The following SLC44A1 variants were observed in gnomAD, a reference collection of about 807,000 sequenced individuals.
SLC44A1 encodes the protein solute carrier family 44 member 1.
Under a neutral mutation model 79.3 loss-of-function variants are expected in SLC44A1, and 26 were observed. The ratio of observed to expected loss-of-function variants is 0.33; its 90% CI spans 0.24 to 0.46. The LOEUF is 0.46. Among genes scored for constraint, SLC44A1 ranks in the 20% least tolerant of loss-of-function variants. SLC44A1 has a pLI of 1.00. For missense variants in SLC44A1, 688 were observed against 798.1 expected (o/e 0.86, Z 1.66); for synonymous variants, 263 against 286.2 (o/e 0.92, Z 0.82).
At chr9:105,417,533 C>T (rs1829187268) in intron 15 of SLC44A1, among the ~76,000 whole-genome samples, 1 of 152,142 alleles carries the variant, frequency 6.6e-6, no homozygotes, top group Non-Finnish European at 1.5e-5. Flanking sequence ...TTGCCAAGTT[C>T]CTTAACTTCT....
chr9:105,289,627 A>G (rs187429867), intron 1 of SLC44A1, among the ~76,000 whole-genome samples: 3 of 152,298 alleles, frequency 2.0e-5, no homozygotes, highest in Admixed American at 6.5e-5. Context: ...AACTGAACAC[A>G]TATTTGTTTC....
At chr9:105,314,578 T>G (rs73668909) in intron 3 of SLC44A1, among the ~76,000 whole-genome samples, 1 of 152,170 alleles carries the variant, frequency 6.6e-6, no homozygotes. Flanking sequence ...CTTTTTTATC[T>G]TCTTGTCTTT....
chr9:105,390,042 A>C lies in SLC44A1; in HGVS notation c.*986A>C. On this transcript the variant is annotated 3_prime_UTR_variant, in exon 16 of 16. Coordinates refer to ENST00000374720, the MANE Select transcript of SLC44A1 (RefSeq NM_080546.5). ...CGGCCATTTTATTCAAATGCTTGCT[A>C]TACAATCTGAAAACACACTGGCAGG... 13 of 1,313,810 alleles carry C rather than the reference A, an allele frequency of 9.9e-6. No individual in the cohort carries two copies. The highest frequency in any genetic ancestry group is 1.3e-5 in the Non-Finnish European group (13 of 1,026,324). 81.4% of individuals were successfully genotyped at this position (1,313,810 alleles called of 1,614,324 possible). A position where few individuals can be genotyped will look rare whatever the true frequency, so the allele number is the denominator to read the frequency against.
chr9:105,377,105 G>A (rs1310784799), intron 13 of SLC44A1, among the ~76,000 whole-genome samples: 2 of 152,028 alleles, frequency 1.3e-5, no homozygotes, highest in East Asian at 1.9e-4. Flanking sequence ...AACAAATACA[G>A]CATTATTTAT....
At chr9:105,423,330 G>A (rs571949919) in intron 15 of SLC44A1, among the ~76,000 whole-genome samples, 6 of 152,104 alleles carry the variant, frequency 3.9e-5, no homozygotes, top group Non-Finnish European at 7.3e-5. Flanking sequence ...CGGGTATGGT[G>A]GCACATGTCT....
chr9:105,378,076 C>T (rs1359831206), intron 13 of SLC44A1, among the ~76,000 whole-genome samples: 1 of 152,070 alleles, frequency 6.6e-6, no homozygotes, highest in Non-Finnish European at 1.5e-5. Flanking sequence ...GGGGAAACCC[C>T]GTCTCCACTG....
intron 2 of SLC44A1, 43 bp downstream of exon 2, chr9:105,299,352 C>A: frequency 2.2e-6 from 3 of 1,352,642 alleles, no homozygotes; most frequent in East Asian, 2.6e-5. Flanking sequence ...ACTCATGATC[C>A]AAGGGAATGA....
At chr9:105,432,420 G>A (rs1829409273) in intron 15 of SLC44A1, among the ~76,000 whole-genome samples, 1 of 152,208 alleles carries the variant, frequency 6.6e-6, no homozygotes, top group South Asian at 2.1e-4. Flanking sequence ...TTTGTTGAAG[G>A]TAGGAGTGGC....
intron 5 of SLC44A1, 83 bp downstream of exon 5, chr9:105,348,534 T>C (rs1166826553): frequency 6.9e-6 from 6 of 874,094 alleles, no homozygotes; most frequent in African/African-American, 5.1e-5. Context: ...TCTGAGAAAA[T>C]AGTCATTTGA....
In SLC44A1 at chr9:105,300,687, A is replaced by G. The variant is rs149887850; in HGVS notation, c.126+1378A>G. Among the ~76,000 whole-genome samples the G allele has an allele frequency of 6.8e-4, 104 of 152,332 alleles. 1 individual carries two copies. Among genetic ancestry groups the G allele is most frequent in the Middle Eastern group, 3.4e-3 (1 of 294 alleles). On this transcript the variant is annotated intron_variant, in intron 2 of 15. Coordinates refer to ENST00000374720, the MANE Select transcript of SLC44A1 (RefSeq NM_080546.5). ...ACTCATCTCCTAACTTAATGACTTAAAAGATATTGCTCAAAAGTTTACTTA... is the reference window on the plus strand; with the variant it reads ...ACTCATCTCCTAACTTAATGACTTAGAAGATATTGCTCAAAAGTTTACTTA...
chr9:105,355,206 A>G (rs1374862779), intron 5 of SLC44A1, among the ~76,000 whole-genome samples: 1 of 152,244 alleles, frequency 6.6e-6, no homozygotes, highest in Non-Finnish European at 1.5e-5. Context: ...AACCAAAGGC[A>G]TATTCGTAGT....
chr9:105,290,260 C>T (rs1830572845), intron 1 of SLC44A1, among the ~76,000 whole-genome samples: 1 of 152,160 alleles, frequency 6.6e-6, no homozygotes, highest in African/African-American at 2.4e-5. Flanking sequence ...TGGAAACTGA[C>T]TATACTGTAG....
At chr9:105,282,307 G>C (rs1830371942) in intron 1 of SLC44A1, among the ~76,000 whole-genome samples, 1 of 150,506 alleles carries the variant, frequency 6.6e-6, no homozygotes, top group Admixed American at 6.6e-5. Context: ...ATGGTTCACT[G>C]TTCCCCCTCA....
At chr9:105,351,281 C>T (rs143791686) in intron 5 of SLC44A1, among the ~76,000 whole-genome samples, 2 of 152,108 alleles carry the variant, frequency 1.3e-5, no homozygotes, top group East Asian at 3.9e-4. Context: ...TGCCTGTAAT[C>T]CCAGCACTTT....
chr9:105,308,247 A>G (rs954687592), intron 2 of SLC44A1, among the ~76,000 whole-genome samples: 4 of 152,204 alleles, frequency 2.6e-5, no homozygotes, highest in African/African-American at 7.2e-5. Flanking sequence ...CTCATTTCTA[A>G]TAATAGTACC....
intron 3 of SLC44A1, among the ~76,000 whole-genome samples, chr9:105,334,285 C>T (rs1420149989): frequency 2.0e-5 from 3 of 151,356 alleles, no homozygotes; most frequent in East Asian, 1.9e-4. Flanking sequence ...ACCTTCATGC[C>T]GGGTTCCCAG....
intron 15 of SLC44A1, among the ~76,000 whole-genome samples, chr9:105,436,416 G>A (rs1325232812): frequency 2.0e-5 from 3 of 152,076 alleles, no homozygotes; most frequent in African/African-American, 7.2e-5. Flanking sequence ...GTCAAAGTAT[G>A]TAAAATCATA....
At chr9:105,332,357 C>T (rs1826778685) in intron 3 of SLC44A1, among the ~76,000 whole-genome samples, 1 of 151,980 alleles carries the variant, frequency 6.6e-6, no homozygotes. Flanking sequence ...TGACCTTAAG[C>T]GATCTGCCCA....
intron 14 of SLC44A1, among the ~76,000 whole-genome samples, chr9:105,384,274 C>A (rs1182078127): frequency 6.6e-6 from 1 of 151,926 alleles, no homozygotes; most frequent in Non-Finnish European, 1.5e-5. Context: ...ACCTCTACCT[C>A]CCAGGTTCAA....
Sources: gnomAD v4.1 joint callset for allele counts (sites outside exome capture counted in the v4.1 genomes callset) on GRCh38, gnomAD v4.1.1 for gene constraint, MANE v1.5 for transcripts, NCBI Gene and HGNC (gene_info 2026-07-23, HGNC 2026-07-21) for gene names.